GLP1R: variants seen among roughly 807,000 people sequenced by gnomAD.
GLP1R encodes glucagon-like peptide 1 receptor.
Under a neutral mutation model 68.4 loss-of-function variants are expected in GLP1R, and 32 were observed. The observed-to-expected ratio is 0.47, with a 90% CI of 0.35 to 0.63. The LOEUF (loss-of-function observed/expected upper bound fraction) is 0.63, where lower values mean the gene tolerates loss of function less well. GLP1R is among the 20% of genes least tolerant of loss of function. The pLI, the probability that GLP1R is intolerant of heterozygous loss-of-function variation, is 0.00. For missense variants in GLP1R, 502 were observed against 594.9 expected (o/e 0.84, Z 1.62); for synonymous variants, 263 against 244.4 (o/e 1.08, Z -0.71).
intron 1 of GLP1R, among the ~76,000 whole-genome samples, chr6:39,052,380 G>A (rs2150818910): frequency 6.6e-6 from 1 of 152,266 alleles, no homozygotes; most frequent in East Asian, 1.9e-4. Context: ...GGGGTCCTGG[G>A]AGGAGATGCC....
intron 11 of GLP1R, among the ~76,000 whole-genome samples, chr6:39,080,348 T>C (rs1391720126): frequency 1.3e-5 from 2 of 152,138 alleles, no homozygotes; most frequent in African/African-American, 2.4e-5. Context: ...TCAGAGTCAT[T>C]GTACTTCACT....
chr6:39,069,395 A>G (rs1768597595), intron 5 of GLP1R, among the ~76,000 whole-genome samples: 1 of 152,162 alleles, frequency 6.6e-6, no homozygotes, highest in Non-Finnish European at 1.5e-5. Context: ...GCACTTTGGG[A>G]GGCCGAGGCA....
chr6:39,084,325 G>A (rs1298512453), intron 12 of GLP1R, among the ~76,000 whole-genome samples: 1 of 152,212 alleles, frequency 6.6e-6, no homozygotes. Context: ...AAGGACAATC[G>A]TGATTACAGG....
At position 39,079,283 on chromosome 6, in the gene GLP1R, G is replaced by A; in HGVS notation, c.1043+83G>A. ...GCAGAGAGAGAGAGAGAGATCCTGG[G>A]ATGCTTAGCTTAGAGCCCTACACTA... is the stretch of plus-strand genomic sequence containing the variant. On this transcript the variant is annotated intron_variant, in intron 10 of 12. Transcript: ENST00000373256. This position sits in a 1 kb window ranked among gnomAD's most constrained non-coding sequence, Gnocchi z 4.5. 1 of 1,068,572 alleles carries A rather than the reference G, an allele frequency of 9.4e-7. No individual in the cohort carries two copies. Among genetic ancestry groups the A allele is most frequent in the Non-Finnish European group, 1.5e-6 (1 of 686,668 alleles). The allele number at this position is 1,068,572 out of a possible 1,614,324, so 66.2% of individuals were successfully genotyped here.
chr6:39,073,471 C>T lies in GLP1R; in HGVS notation c.664-139C>T, dbSNP rs1344267994. 6 of 713,708 alleles carry T rather than the reference C, an allele frequency of 8.4e-6. No homozygotes were observed. In the Admixed American group the frequency reaches 1.4e-4, roughly 17 times the overall value. The allele number at this position is 713,708 out of a possible 1,614,324, so 44.2% of individuals were successfully genotyped here. A position where few individuals can be genotyped will look rare whatever the true frequency, so the allele number is the denominator to read the frequency against. The stretch of plus-strand genomic sequence containing the variant: ...GCTAAAGCAGATAAAGTCCTTAGCA[C>T]TAGCCCTAGCCAGAGATGTGAGCTC... On this transcript the variant is annotated intron_variant, in intron 6 of 12. Coordinates refer to ENST00000373256, the MANE Select transcript of GLP1R (RefSeq NM_002062.5).
chr6:39,051,527 G>C (rs1210728569), intron 1 of GLP1R, among the ~76,000 whole-genome samples: 3 of 152,154 alleles, frequency 2.0e-5, no homozygotes, highest in Non-Finnish European at 4.4e-5. Flanking sequence ...CCCAGGCTGG[G>C]GGCTGGGGCA....
At position 39,066,072 on chromosome 6, in the gene GLP1R, G is replaced by A; in HGVS notation, c.403-125G>A. On this transcript the variant is annotated intron_variant, in intron 4 of 12. Transcript: ENST00000373256. ...GTAGGTTACGGTTATTCTCTTTCTT[G>A]GTCTTGGTATCCCCGGTGAGTCCTG... 6.4e-6 allele frequency: 4 copies of A among 629,734 alleles called. No individual in the cohort carries two copies. In the South Asian group the frequency reaches 7.7e-5, roughly 12 times the overall value. The allele number at this position is 629,734 out of a possible 1,614,324, so 39.0% of individuals were successfully genotyped here. A position where few individuals can be genotyped will look rare whatever the true frequency, so the allele number is the denominator to read the frequency against.
chr6:39,085,768 G>A (rs1769127311), intron 12 of GLP1R, 138 bp from the exon 13 acceptor site: 3 of 757,930 alleles, frequency 4.0e-6, no homozygotes, highest in East Asian at 4.9e-5. Context: ...ATTAATTTAG[G>A]AGCCCGAAGG....
chr6:39,084,809 G>A (rs1264144344), intron 12 of GLP1R, among the ~76,000 whole-genome samples: 2 of 152,208 alleles, frequency 1.3e-5, no homozygotes, highest in African/African-American at 2.4e-5. Context: ...CATACCAGGC[G>A]TCTTGCTGGG....
chr6:39,066,087 G>A (rs189609798), intron 4 of GLP1R, 110 bp from the exon 5 acceptor site: 228 of 645,884 alleles, frequency 3.5e-4, no homozygotes, highest in African/African-American at 2.2e-3. Flanking sequence ...TGGTATCCCC[G>A]GTGAGTCCTG....
At chr6:39,085,119 G>C (rs777196524) in intron 12 of GLP1R, among the ~76,000 whole-genome samples, 3 of 152,148 alleles carry the variant, frequency 2.0e-5, no homozygotes, top group Non-Finnish European at 4.4e-5. Flanking sequence ...GGGAGCCACA[G>C]CATTGCCACA....
intron 3 of GLP1R, among the ~76,000 whole-genome samples, chr6:39,058,931 G>C (rs1456188246): frequency 1.3e-5 from 2 of 152,372 alleles, no homozygotes; most frequent in South Asian, 4.1e-4. Flanking sequence ...CCAGAAACAA[G>C]TGCGGGCATG....
chr6:39,078,274 C>A (rs1386674336), intron 7 of GLP1R, 48 bp from the exon 8 acceptor site: 4 of 1,387,632 alleles, frequency 2.9e-6, no homozygotes, highest in Non-Finnish European at 4.1e-6. Context: ...TAGACTGTGG[C>A]TCTGGCCTGC....
At chr6:39,064,469 T>C (rs1273450387) in intron 3 of GLP1R, among the ~76,000 whole-genome samples, 1 of 152,222 alleles carries the variant, frequency 6.6e-6, no homozygotes, top group Non-Finnish European at 1.5e-5. Context: ...TGTTGAACTC[T>C]TTTAAAGTTT....
rs575543504 is a variant in GLP1R, at chr6:39,049,630, C to T, written c.78+712C>T. On this transcript the variant is annotated intron_variant, in intron 1 of 12. Coordinates refer to ENST00000373256, the MANE Select transcript of GLP1R (RefSeq NM_002062.5). The surrounding 1 kb of genome is among the most constrained non-coding windows in gnomAD (Gnocchi z 4.5). Reference sequence around the variant, plus strand: ...CCCACTCACCCACTCTGCTGACCTCCCATTCTCATCCTGCACTGACAGCAG... The same window carrying T: ...CCCACTCACCCACTCTGCTGACCTCTCATTCTCATCCTGCACTGACAGCAG... 4.8e-4 allele frequency among the ~76,000 whole-genome samples: 73 copies of T among 152,270 alleles called. No homozygotes were observed. Among genetic ancestry groups the T allele is most frequent in the Non-Finnish European group, 8.5e-4 (58 of 68,014 alleles).
chr6:39,052,649 G>T (rs897415088), intron 1 of GLP1R, among the ~76,000 whole-genome samples: 5 of 152,168 alleles, frequency 3.3e-5, no homozygotes, highest in Non-Finnish European at 7.4e-5. Context: ...CACCCCGGGG[G>T]CTTCCACTCC....
At chr6:39,051,244 A>C (rs1464401804) in intron 1 of GLP1R, among the ~76,000 whole-genome samples, 2 of 152,164 alleles carry the variant, frequency 1.3e-5, no homozygotes, top group Non-Finnish European at 2.9e-5. Flanking sequence ...CCTTATCTGT[A>C]AATAAGGATC....
chr6:39,064,638 C>T (rs1392039557), intron 3 of GLP1R, among the ~76,000 whole-genome samples: 2 of 152,136 alleles, frequency 1.3e-5, no homozygotes, highest in African/African-American at 2.4e-5. Context: ...TCCTCCTGGA[C>T]ACAAGTAAGC....
chr6:39,059,656 G>C (rs1311950235), intron 3 of GLP1R, among the ~76,000 whole-genome samples: 2 of 152,134 alleles, frequency 1.3e-5, no homozygotes. Context: ...TTGAGAAATG[G>C]TAGCTGTTAA....
Sources: gnomAD v4.1 joint callset for allele counts (sites outside exome capture counted in the v4.1 genomes callset) on GRCh38, gnomAD v4.1.1 for gene constraint, Gnocchi (gnomAD v3.1) non-coding constraint, MANE v1.5 for transcripts, NCBI Gene and HGNC (gene_info 2026-07-23, HGNC 2026-07-21) for gene names.